The following SIPA1L1 variants were observed in gnomAD, a reference collection of about 807,000 sequenced individuals.
SIPA1L1 encodes the protein signal induced proliferation associated 1 like 1.
A neutral mutation model predicts 162.7 loss-of-function variants in SIPA1L1; 26 were observed. The observed-to-expected ratio is 0.16, with a 90% CI of 0.12 to 0.22. SIPA1L1 has a LOEUF of 0.22. Among genes scored for constraint, SIPA1L1 ranks in the 10% least tolerant of loss-of-function variants. SIPA1L1 has a pLI of 1.00. For synonymous variants in SIPA1L1, 829 were observed against 837.4 expected (o/e 0.99, Z 0.17); for missense variants, 1,874 against 2,241.0 (o/e 0.84, Z 3.31).
At chr14:71,473,826 C>T (rs1180250545) in intron 2 of SIPA1L1, among the ~76,000 whole-genome samples, 1 of 152,134 alleles carries the variant, frequency 6.6e-6, no homozygotes, top group East Asian at 1.9e-4. Context: ...CAAATAAGTG[C>T]ATTTGCTGAA....
rs566202019 is a variant in SIPA1L1, at chr14:71,624,463, T to C, written c.1818+227T>C. ...AATTTATAAATAAGGCACTTTAAAC[T>C]ACGTTAAATTCTTTTGATAATCTTC... On this transcript the variant is annotated intron_variant, in intron 7 of 23. Transcript: ENST00000381232. Among the ~76,000 whole-genome samples the C allele has an allele frequency of 2.0e-3, 307 of 152,348 alleles. 1 individual carries two copies. Among genetic ancestry groups the C allele is most frequent in the Non-Finnish European group, 3.9e-3 (263 of 68,018 alleles).
intron 2 of SIPA1L1, among the ~76,000 whole-genome samples, chr14:71,490,045 TA>T (rs1296415306): frequency 6.6e-6 from 1 of 152,228 alleles, no homozygotes; most frequent in Admixed American, 6.5e-5. Flanking sequence ...ACAGATATGT[TA>T]ATAGGGTAAG....
At chr14:71,470,553 C>T (rs576263918) in intron 2 of SIPA1L1, among the ~76,000 whole-genome samples, 197 of 152,180 alleles carry the variant, frequency 1.3e-3, no homozygotes, top group African/African-American at 4.6e-3. Flanking sequence ...TTGTATATAA[C>T]AAAGGGAGTG....
chr14:71,365,874 T>C (rs978933110), intron 2 of SIPA1L1, among the ~76,000 whole-genome samples: 1 of 150,626 alleles, frequency 6.6e-6, no homozygotes, highest in African/African-American at 2.4e-5. Flanking sequence ...TACAGTTGTC[T>C]GCCAACATGC....
chr14:71,702,103 A>G (rs1200924090), intron 14 of SIPA1L1, among the ~76,000 whole-genome samples: 2 of 152,190 alleles, frequency 1.3e-5, no homozygotes, highest in South Asian at 2.1e-4. Flanking sequence ...TATACTACAT[A>G]CCTTAGGTTA....
intron 2 of SIPA1L1, among the ~76,000 whole-genome samples, chr14:71,369,885 G>A (rs2038715843): frequency 7.0e-6 from 1 of 143,034 alleles, no homozygotes; most frequent in African/African-American, 2.6e-5. Context: ...CACATCCCTT[G>A]TAAGTTGGAT....
chr14:71,702,497 A>C lies in SIPA1L1; in HGVS notation c.3638A>C (p.Asp1213Ala). 1 of 1,614,052 alleles carries C rather than the reference A, an allele frequency of 6.2e-7. No homozygotes were observed. The highest frequency in any genetic ancestry group is 8.5e-7 in the Non-Finnish European group (1 of 1,179,934). The stretch of plus-strand genomic sequence containing the variant: ...CAAAGAAGTGAGGATAGCATTGCTG[A>C]CCAGATGGGTAAGTAATCAATTTCT... The part of the protein sequence containing the change: ...SWQRSEDSIA[D>A]QMEPTCHLPA... The change falls in exon 15 of 24, where the codon GAC (aspartate) becomes GCC (alanine). Residue 1213 changes from aspartate (D) to alanine (A), a missense_variant. By Grantham distance (126) the Asp-to-Ala change is moderately radical. Around this residue, in one of 5 missense-constraint regions of SIPA1L1, gnomAD observed 936 missense variants for 1,051.9 expected, o/e 0.89. Coordinates refer to ENST00000381232, the MANE Select transcript of SIPA1L1 (RefSeq NM_001386936.1).
In SIPA1L1 at chr14:71,661,417, T is replaced by G. The variant is rs1413965416; in HGVS notation, c.2205T>G (p.Val735=). The change falls in exon 10 of 24, where the codon GTT becomes GTG. Residue 735 remains valine, a synonymous_variant. Coordinates refer to ENST00000381232, the MANE Select transcript of SIPA1L1 (RefSeq NM_001386936.1). ...ACATCCGATCCCACTTCCAGCACGT[T>G]TTCGTCATCGTCAGGGTGCACAATC... ...PKNIRSHFQH[V]FVIVRVHNPC... 1 of 1,613,926 alleles carries G rather than the reference T, an allele frequency of 6.2e-7. No individual in the cohort carries two copies. The highest frequency in any genetic ancestry group is 8.5e-7 in the Non-Finnish European group (1 of 1,179,952).
intron 7 of SIPA1L1, among the ~76,000 whole-genome samples, chr14:71,643,248 C>A (rs993503309): frequency 2.0e-5 from 3 of 152,090 alleles, no homozygotes; most frequent in African/African-American, 7.2e-5. Flanking sequence ...AGGGAAAAAT[C>A]TTGATTTTCA....
At chr14:71,585,945 A>T (rs760919951) in intron 4 of SIPA1L1, among the ~76,000 whole-genome samples, 3 of 152,200 alleles carry the variant, frequency 2.0e-5, no homozygotes, top group Non-Finnish European at 4.4e-5. Context: ...CGGAAGCAAC[A>T]GTTAGCATGT....
chr14:71,466,066 C>G lies in SIPA1L1; in HGVS notation c.-464-46677C>G, dbSNP rs2046971168. 2.6e-5 allele frequency among the ~76,000 whole-genome samples: 4 copies of G among 152,300 alleles called. No individual in the cohort carries two copies. In the South Asian group the frequency reaches 8.3e-4, roughly 32 times the overall value. On this transcript the variant is annotated intron_variant, in intron 2 of 23. Coordinates refer to ENST00000381232, the MANE Select transcript of SIPA1L1 (RefSeq NM_001386936.1). ...GCACCCTCACAGACACACCCAGGATCAATACTTCACATCCTTCAATCCAAT... is the reference window on the plus strand; with the variant it reads ...GCACCCTCACAGACACACCCAGGATGAATACTTCACATCCTTCAATCCAAT...
Position 71,723,686 on chromosome 14 carries a change from C to T in SIPA1L1, c.4248C>T (p.Phe1416=), listed in dbSNP as rs760762758. The part of the protein sequence containing the change: ...SSRHSASPVV[F]TSARSSPKEE... ...GACACTCTGCCAGCCCAGTGGTTTT[C>T]ACCAGTGCCCGGAGTTCACCTAAAG... The change falls in exon 18 of 24, where the codon TTC becomes TTT. Residue 1416 remains phenylalanine (F), a synonymous_variant. Transcript: ENST00000381232. The T allele has an allele frequency of 6.8e-6, 11 of 1,614,216 alleles. No homozygotes were observed. Among genetic ancestry groups the T allele is most frequent in the African/African-American group, 1.3e-5 (1 of 75,054 alleles).
At chr14:71,544,653 C>T (rs1486938071) in intron 4 of SIPA1L1, among the ~76,000 whole-genome samples, 1 of 152,016 alleles carries the variant, frequency 6.6e-6, no homozygotes, top group Non-Finnish European at 1.5e-5. Flanking sequence ...AATGAAACAA[C>T]TGTTAAGGTT....
At chr14:71,669,776 C>T (rs142997368) in intron 10 of SIPA1L1, among the ~76,000 whole-genome samples, 23 of 152,178 alleles carry the variant, frequency 1.5e-4, no homozygotes, top group Non-Finnish European at 3.1e-4. Flanking sequence ...TTTAAAAATA[C>T]ACTTGTAAAA....
chr14:71,658,425 A>C lies in SIPA1L1; in HGVS notation c.2086A>C (p.Asn696His). The C allele has an allele frequency of 6.3e-7, 1 of 1,579,462 alleles. No homozygotes were observed. Among genetic ancestry groups the C allele is most frequent in the Non-Finnish European group, 8.7e-7 (1 of 1,148,424 alleles). The change falls in exon 9 of 24, where the codon AAC becomes CAC. Residue 696 changes from asparagine to histidine, a missense_variant. Physicochemically the swap from Asn to His is moderately conservative, Grantham distance 68. Coordinates refer to ENST00000381232, the MANE Select transcript of SIPA1L1 (RefSeq NM_001386936.1). Reference sequence around the variant, plus strand: ...TACCATGCTGCCATACACACCCAACAACAAACAACAGGTAAGAGATCCTCC... The same window carrying C: ...TACCATGCTGCCATACACACCCAACCACAAACAACAGGTAAGAGATCCTCC... ...VSTMLPYTPN[N>H]KQQLLRKRHI...
intron 4 of SIPA1L1, among the ~76,000 whole-genome samples, chr14:71,541,979 C>T (rs544966848): frequency 6.6e-6 from 1 of 152,310 alleles, no homozygotes; most frequent in South Asian, 2.1e-4. Context: ...TAATAACTTA[C>T]TGACTTTGGG....
chr14:71,569,768 C>G (rs969896344), intron 4 of SIPA1L1, among the ~76,000 whole-genome samples: 2 of 152,224 alleles, frequency 1.3e-5, no homozygotes, highest in African/African-American at 4.8e-5. Context: ...CCCATGAACA[C>G]TGGATGTCTG....
chr14:71,628,500 A>G (rs1166815376), intron 7 of SIPA1L1, among the ~76,000 whole-genome samples: 1 of 152,236 alleles, frequency 6.6e-6, no homozygotes, highest in East Asian at 1.9e-4. Flanking sequence ...TAGTTGATAC[A>G]TTATGCTCAC....
chr14:71,510,113 T>C (rs1304401000), intron 2 of SIPA1L1, among the ~76,000 whole-genome samples: 4 of 152,078 alleles, frequency 2.6e-5, no homozygotes, highest in Non-Finnish European at 5.9e-5. Flanking sequence ...ACCAAAAATC[T>C]TTTCTCTTTA....
Sources: allele counts gnomAD v4.1 joint callset (sites outside exome capture counted in the v4.1 genomes callset), GRCh38; gene constraint gnomAD v4.1.1; regional missense constraint gnomAD v4.1.1; transcripts MANE v1.5; gene names NCBI Gene and HGNC (gene_info 2026-07-23, HGNC 2026-07-21).